The following RHBDD1 variants were observed in gnomAD, a reference collection of about 807,000 sequenced individuals.
RHBDD1 encodes rhomboid domain containing 1, also known as rhomboid-related protein 4.
In RHBDD1, 38 loss-of-function variants were observed where a neutral mutation model predicts 36.3. The ratio of observed to expected loss-of-function variants is 1.05; its 90% CI spans 0.81 to 1.37. The LOEUF (loss-of-function observed/expected upper bound fraction) is 1.37. RHBDD1 is among the 40% of genes most tolerant of loss of function. The pLI is 0.00. For missense variants in RHBDD1, 393 were observed against 377.6 expected (o/e 1.04, Z -0.34); for synonymous variants, 151 against 136.5 (o/e 1.11, Z -0.74).
intron 8 of RHBDD1, among the ~76,000 whole-genome samples, chr2:226,993,739 T>TA (rs969739793): frequency 6.6e-6 from 1 of 152,136 alleles, no homozygotes; most frequent in African/African-American, 2.4e-5. Context: ...AGCAAAAATA[T>TA]AAAAAAGGGG....
intron 8 of RHBDD1, among the ~76,000 whole-genome samples, chr2:226,994,443 G>C (rs1958950310): frequency 6.6e-6 from 1 of 152,204 alleles, no homozygotes. Flanking sequence ...TCTTCCATTG[G>C]TTCTATCGGG....
At chr2:226,841,300 T>C (rs1941608544) in intron 3 of RHBDD1, among the ~76,000 whole-genome samples, 1 of 151,694 alleles carries the variant, frequency 6.6e-6, no homozygotes, top group African/African-American at 2.4e-5. Flanking sequence ...ACCCAGCTAA[T>C]TTTTTTTTCT....
chr2:226,815,460 A>G, the RHBDD1 span, among the ~76,000 whole-genome samples: 1 of 152,234 alleles, frequency 6.6e-6, no homozygotes, highest in African/African-American at 2.4e-5. Flanking sequence ...GTAAGATAAT[A>G]AAGTTATTAT....
At chr2:226,869,613 C>T (rs1439266935) in intron 5 of RHBDD1, among the ~76,000 whole-genome samples, 2 of 152,178 alleles carry the variant, frequency 1.3e-5, no homozygotes, top group African/African-American at 4.8e-5. Flanking sequence ...ATGAAAGCCA[C>T]GGAATTAGTA....
At chr2:226,952,134 C>T (rs1160822402) in intron 8 of RHBDD1, among the ~76,000 whole-genome samples, 2 of 151,956 alleles carry the variant, frequency 1.3e-5, no homozygotes, top group African/African-American at 2.4e-5. Context: ...CTATAAGCTC[C>T]CCAGGTGATA....
At chr2:226,817,326 T>C in the RHBDD1 span, among the ~76,000 whole-genome samples, 1 of 152,226 alleles carries the variant, frequency 6.6e-6, no homozygotes, top group Non-Finnish European at 1.5e-5. Flanking sequence ...CGGTAAATGA[T>C]TGTTCAGTTC....
intron 8 of RHBDD1, among the ~76,000 whole-genome samples, chr2:226,949,281 A>T (rs1951247269): frequency 2.0e-5 from 3 of 152,226 alleles, no homozygotes; most frequent in South Asian, 2.1e-4. Context: ...ACTAAATTTC[A>T]TATGGAACCA....
rs1941186989 is a variant in RHBDD1, at chr2:226,838,091, G to T, written c.-373G>T. The T allele has an allele frequency of 6.6e-6, 1 of 152,096 alleles. No homozygotes were observed. Among genetic ancestry groups the T allele is most frequent in the Non-Finnish European group, 1.5e-5 (1 of 68,020 alleles). The allele number at this position is 152,096 out of a possible 1,614,324, so 9.4% of individuals were successfully genotyped here. A position where few individuals can be genotyped will look rare whatever the true frequency, so the allele number is the denominator to read the frequency against. ...CTTTCAGGGGTCCATTGTAGGGGGA[G>T]AAAGAAATATTCAGGATTTAAAGCA... On this transcript the variant is annotated 5_prime_UTR_variant, in exon 2 of 9. Coordinates refer to ENST00000392062, the MANE Select transcript of RHBDD1 (RefSeq NM_001167608.3).
At chr2:226,835,177 C>T (rs1383672072), upstream of RHBDD1, among the ~76,000 whole-genome samples, 9 of 152,296 alleles carry the variant, frequency 5.9e-5, no homozygotes, top group Non-Finnish European at 1.2e-4. Context: ...TCCCAAAGTG[C>T]GGGGATTACA....
intron 6 of RHBDD1, among the ~76,000 whole-genome samples, chr2:226,907,788 G>A (rs1013695592): frequency 6.6e-5 from 10 of 152,080 alleles, no homozygotes; most frequent in African/African-American, 1.7e-4. Flanking sequence ...ATTTTCCCAC[G>A]TTTGCTTATT....
At chr2:226,814,988 C>T in the RHBDD1 span, among the ~76,000 whole-genome samples, 1 of 152,194 alleles carries the variant, frequency 6.6e-6, no homozygotes, top group South Asian at 2.1e-4. Flanking sequence ...CCTTGACCTA[C>T]TGGGTTGCCT....
intron 8 of RHBDD1, among the ~76,000 whole-genome samples, chr2:226,994,554 GT>G (rs2149605107): frequency 6.6e-6 from 1 of 152,304 alleles, no homozygotes; most frequent in African/African-American, 2.4e-5. Flanking sequence ...AGCTATAGTA[GT>G]GAAAAGGTAC....
chr2:226,810,197 T>C, the RHBDD1 span, among the ~76,000 whole-genome samples: 19 of 152,174 alleles, frequency 1.2e-4, no homozygotes, highest in Non-Finnish European at 2.6e-4. Flanking sequence ...TATCACATAT[T>C]TTGTATCTGC....
chr2:226,896,428 C>G (rs1268376066), intron 5 of RHBDD1, among the ~76,000 whole-genome samples: 1 of 152,210 alleles, frequency 6.6e-6, no homozygotes, highest in East Asian at 1.9e-4. Context: ...CCAGATCTAT[C>G]TATTACCCTT....
chr2:226,917,112 T>C (rs1044547327), intron 8 of RHBDD1, among the ~76,000 whole-genome samples: 1 of 152,062 alleles, frequency 6.6e-6, no homozygotes, highest in Non-Finnish European at 1.5e-5. Flanking sequence ...ATTAAGTTAA[T>C]ATAAGTCATT....
chr2:226,920,077 G>C (rs957112827), intron 8 of RHBDD1, among the ~76,000 whole-genome samples: 1 of 151,474 alleles, frequency 6.6e-6, no homozygotes, highest in Non-Finnish European at 1.5e-5. Context: ...TATTTTACTT[G>C]TAGCTATTTT....
chr2:226,823,761 T>A, the RHBDD1 span, among the ~76,000 whole-genome samples: 1 of 152,254 alleles, frequency 6.6e-6, no homozygotes, highest in Admixed American at 6.5e-5. Flanking sequence ...ATTTGACTCA[T>A]GGTTCTGGAG....
At chr2:226,991,698 A>G (rs1575571008) in intron 8 of RHBDD1, among the ~76,000 whole-genome samples, 2 of 152,154 alleles carry the variant, frequency 1.3e-5, no homozygotes, top group South Asian at 2.1e-4. Context: ...CATTTTATAG[A>G]TAAGGAAACT....
chr2:226,924,414 G>GT (rs1949534910), intron 8 of RHBDD1, among the ~76,000 whole-genome samples: 1 of 152,150 alleles, frequency 6.6e-6, no homozygotes, highest in African/African-American at 2.4e-5. Flanking sequence ...TTACTCTTCC[G>GT]TTTTCTCTCC....
Sources: gnomAD v4.1 joint callset for allele counts (sites outside exome capture counted in the v4.1 genomes callset) on GRCh38, gnomAD v4.1.1 for gene constraint, MANE v1.5 for transcripts, NCBI Gene and HGNC (gene_info 2026-07-23, HGNC 2026-07-21) for gene names.